Variants in NTN1 observed in about 807,000 individuals in gnomAD.
NTN1 encodes netrin 1.
Under a neutral mutation model 54.2 loss-of-function variants are expected in NTN1, and 11 were observed. The observed-to-expected ratio is 0.20, with a 90% CI of 0.13 to 0.34. The LOEUF (loss-of-function observed/expected upper bound fraction) is 0.34, where lower values mean the gene tolerates loss of function less well. Ranked by LOEUF, NTN1 falls within the 10% of genes least tolerant of loss-of-function variation. The probability of loss-of-function intolerance (pLI) is 1.00; values close to 1 mark genes in which losing one functional copy is unlikely to be tolerated. For missense variants in NTN1, 740 were observed against 893.1 expected (o/e 0.83, Z 2.18); for synonymous variants, 371 against 382.0 (o/e 0.97, Z 0.33).
intron 2 of NTN1, among the ~76,000 whole-genome samples, chr17:9,042,398 T>G (rs1232608044): frequency 1.3e-5 from 2 of 151,738 alleles, no homozygotes; most frequent in African/African-American, 4.8e-5. Flanking sequence ...GCAGGAAGAT[T>G]GCACGAGCGA....
intron 2 of NTN1, among the ~76,000 whole-genome samples, chr17:9,083,726 A>G (rs2092080859): frequency 6.6e-6 from 1 of 152,226 alleles, no homozygotes; most frequent in Admixed American, 6.5e-5. Context: ...CATAGAGGAC[A>G]TAGAAGGACA....
Position 9,236,432 on chromosome 17 carries a change from G to A in NTN1, c.1487-3208G>A, listed in dbSNP as rs577309307. 2.6e-5 allele frequency among the ~76,000 whole-genome samples: 4 copies of A among 152,348 alleles called. 1 individual carries two copies. In the South Asian group the frequency reaches 6.2e-4, roughly 24 times the overall value. Reference sequence around the variant, plus strand: ...CTGTTTGAGGTCACTGTTGCAATGCGCATTTTGAATATTTTCAGCTGTATG... The same window carrying A: ...CTGTTTGAGGTCACTGTTGCAATGCACATTTTGAATATTTTCAGCTGTATG... On this transcript the variant is annotated intron_variant, in intron 6 of 6. Coordinates refer to ENST00000173229, the MANE Select transcript of NTN1 (RefSeq NM_004822.3).
chr17:9,117,480 G>C (rs1317107479), intron 2 of NTN1, among the ~76,000 whole-genome samples: 1 of 152,162 alleles, frequency 6.6e-6, no homozygotes, highest in Non-Finnish European at 1.5e-5. Context: ...TGTGGGCCGG[G>C]TGCGGTGGCT....
chr17:9,110,999 A>T (rs1351814038), intron 2 of NTN1, among the ~76,000 whole-genome samples: 1 of 135,618 alleles, frequency 7.4e-6, no homozygotes, highest in Non-Finnish European at 1.5e-5. Flanking sequence ...CTGTGGCGCG[A>T]TCTCGGCTTA....
chr17:9,018,131 T>C (rs1215419304), upstream of NTN1, among the ~76,000 whole-genome samples: 2 of 152,100 alleles, frequency 1.3e-5, no homozygotes, highest in Non-Finnish European at 1.5e-5. Context: ...CTAGACCTCC[T>C]GGATACAAGG....
At chr17:9,017,112 G>A (rs545531419), upstream of NTN1, among the ~76,000 whole-genome samples, 4 of 152,084 alleles carry the variant, frequency 2.6e-5, no homozygotes, top group Non-Finnish European at 5.9e-5. Context: ...CTCTCCTCCT[G>A]CTGGCTCCAG....
the NTN1 span, among the ~76,000 whole-genome samples, chr17:9,009,763 T>C: frequency 6.6e-6 from 1 of 151,780 alleles, no homozygotes; most frequent in Non-Finnish European, 1.5e-5. Flanking sequence ...AAAACATTTT[T>C]CCATCAAAAT....
chr17:9,045,262 T>G (rs992943580), intron 2 of NTN1, among the ~76,000 whole-genome samples: 5 of 152,218 alleles, frequency 3.3e-5, no homozygotes, highest in African/African-American at 1.2e-4. Flanking sequence ...CCTTTTGGCC[T>G]GGCAAAGGGG....
intron 2 of NTN1, among the ~76,000 whole-genome samples, chr17:9,162,377 C>T (rs981006640): frequency 2.6e-5 from 4 of 152,230 alleles, no homozygotes; most frequent in Non-Finnish European, 5.9e-5. Context: ...GGAGGCCCTT[C>T]TGCGTGGCTT....
intron 6 of NTN1, among the ~76,000 whole-genome samples, chr17:9,235,748 T>TC (rs1451581096): frequency 1.2e-3 from 39 of 31,290 alleles, no homozygotes; most frequent in African/African-American, 2.0e-3. Flanking sequence ...CTTTTTTTTT[T>TC]TCTTTTTTTT....
chr17:9,025,933 C>T (rs1024853079), intron 2 of NTN1, among the ~76,000 whole-genome samples: 4 of 152,220 alleles, frequency 2.6e-5, no homozygotes, highest in Non-Finnish European at 4.4e-5. Context: ...AACATAATCT[C>T]TTCTTGCGAA....
intron 2 of NTN1, among the ~76,000 whole-genome samples, chr17:9,063,411 TA>T (rs1350880438): frequency 1.3e-5 from 2 of 151,928 alleles, no homozygotes; most frequent in African/African-American, 4.8e-5. Flanking sequence ...TAATGACTTT[TA>T]AAGCTTTGTT....
At chr17:9,203,050 T>G (rs1904851800) in intron 5 of NTN1, among the ~76,000 whole-genome samples, 1 of 152,214 alleles carries the variant, frequency 6.6e-6, no homozygotes, top group Non-Finnish European at 1.5e-5. Context: ...GCCTCCCGAG[T>G]AGCTGGGACT....
chr17:9,009,791 G>A, the NTN1 span, among the ~76,000 whole-genome samples: 4 of 151,876 alleles, frequency 2.6e-5, no homozygotes, highest in Non-Finnish European at 4.4e-5. Flanking sequence ...TTTTTCCCCC[G>A]CCTAAGTTAG....
chr17:9,145,784 G>A (rs1425852898), intron 2 of NTN1, among the ~76,000 whole-genome samples: 1 of 152,034 alleles, frequency 6.6e-6, no homozygotes, highest in African/African-American at 2.4e-5. Flanking sequence ...CGGGCGTGGT[G>A]GCAGGCACCT....
In NTN1 at chr17:9,135,118, C is replaced by A. The variant is rs897912377; in HGVS notation, c.1019-27695C>A. 1.3e-5 allele frequency among the ~76,000 whole-genome samples: 2 copies of A among 152,104 alleles called. No homozygotes were observed. The highest frequency in any genetic ancestry group is 2.9e-5 in the Non-Finnish European group (2 of 68,012). ...CCGAGGGCCCGGTAAGGCACATTGT[C>A]CCCCAGCCCCTGATGCTCCCGGCCC... is the stretch of plus-strand genomic sequence containing the variant. On this transcript the variant is annotated intron_variant, in intron 2 of 6. Coordinates refer to ENST00000173229, the MANE Select transcript of NTN1 (RefSeq NM_004822.3). This position sits in a 1 kb window ranked among gnomAD's most constrained non-coding sequence, Gnocchi z 4.4.
chr17:9,102,629 C>T (rs1297329353), intron 2 of NTN1, among the ~76,000 whole-genome samples: 3 of 152,116 alleles, frequency 2.0e-5, no homozygotes, highest in African/African-American at 7.2e-5. Context: ...GGGTTTATAC[C>T]CATTGGTAAT....
intron 6 of NTN1, among the ~76,000 whole-genome samples, chr17:9,227,338 CAG>C (rs1905607099): frequency 1.3e-5 from 2 of 151,386 alleles, no homozygotes; most frequent in African/African-American, 4.9e-5. Context: ...CACAGATACA[CAG>C]ACTATCAGTC....
At chr17:9,030,097 C>A (rs1008806305) in intron 2 of NTN1, among the ~76,000 whole-genome samples, 2 of 152,162 alleles carry the variant, frequency 1.3e-5, no homozygotes, top group Non-Finnish European at 2.9e-5. Flanking sequence ...TGCCAGTTCT[C>A]CCCTCTGATG....
Sources: allele counts gnomAD v4.1 joint callset (sites outside exome capture counted in the v4.1 genomes callset), GRCh38; gene constraint gnomAD v4.1.1; non-coding constraint Gnocchi (gnomAD v3.1); transcripts MANE v1.5; gene names NCBI Gene and HGNC (gene_info 2026-07-23, HGNC 2026-07-21).